RBM6: variants seen among roughly 807,000 people sequenced by gnomAD.
The protein encoded by RBM6 is RNA binding motif protein 6, also known as RNA-binding protein 6.
In RBM6, 23 loss-of-function variants were observed where a neutral mutation model predicts 140.4. The ratio of observed to expected loss-of-function variants is 0.16; its 90% CI spans 0.12 to 0.23. The LOEUF (loss-of-function observed/expected upper bound fraction) is 0.23. RBM6 is among the 10% of genes least tolerant of loss of function. The pLI, the probability that RBM6 is intolerant of heterozygous loss-of-function variation, is 1.00. For synonymous variants in RBM6, 439 were observed against 475.6 expected (o/e 0.92, Z 1.00); for missense variants, 1,139 against 1,386.7 (o/e 0.82, Z 2.84).
chr3:50,030,621 T>C (rs1490836173), intron 6 of RBM6, among the ~76,000 whole-genome samples: 1 of 152,198 alleles, frequency 6.6e-6, no homozygotes, highest in Non-Finnish European at 1.5e-5. Context: ...GACAGAAAAC[T>C]AAAAATAAAA....
chr3:49,956,256 A>G (rs1214974687), intron 1 of RBM6, among the ~76,000 whole-genome samples: 1 of 150,738 alleles, frequency 6.6e-6, no homozygotes, highest in Non-Finnish European at 1.5e-5. Flanking sequence ...ACTGGGTTCA[A>G]ACAATCTACC....
At chr3:49,940,420 C>T (rs1285154658) in intron 1 of RBM6, 195 bp downstream of exon 1, 1 of 153,420 alleles carries the variant, frequency 6.5e-6, no homozygotes, top group Non-Finnish European at 1.5e-5. Flanking sequence ...GGCAGGAACG[C>T]CCCGGAACCG....
chr3:49,960,306 T>C (rs758924796), intron 1 of RBM6, among the ~76,000 whole-genome samples: 13 of 152,196 alleles, frequency 8.5e-5, no homozygotes, highest in Non-Finnish European at 1.6e-4. Flanking sequence ...AGAACTTTCC[T>C]TCTGTTTTGA....
intron 1 of RBM6, among the ~76,000 whole-genome samples, chr3:49,960,882 A>T (rs1249672273): frequency 6.6e-6 from 1 of 150,494 alleles, no homozygotes; most frequent in African/African-American, 2.4e-5. Context: ...TTCATAGCAC[A>T]TTGAAAAGTT....
At chr3:49,994,275 C>G (rs900173899) in intron 5 of RBM6, among the ~76,000 whole-genome samples, 3 of 152,000 alleles carry the variant, frequency 2.0e-5, no homozygotes, top group Non-Finnish European at 2.9e-5. Context: ...ATTATATTGC[C>G]GAGGCTGGGA....
intron 1 of RBM6, among the ~76,000 whole-genome samples, chr3:49,947,054 G>A (rs1375262934): frequency 1.4e-5 from 2 of 144,228 alleles, no homozygotes; most frequent in South Asian, 4.4e-4. Context: ...TGGCTAACAC[G>A]GTGAAACCCT....
intron 1 of RBM6, among the ~76,000 whole-genome samples, chr3:49,948,936 T>G (rs1239340283): frequency 6.8e-6 from 1 of 147,370 alleles, no homozygotes; most frequent in Non-Finnish European, 1.5e-5. Flanking sequence ...GTTCAAGCAA[T>G]TCTCCTGCCT....
chr3:50,046,633 G>T (rs1395961617), intron 6 of RBM6, among the ~76,000 whole-genome samples: 5 of 150,656 alleles, frequency 3.3e-5, no homozygotes, highest in African/African-American at 9.8e-5. Flanking sequence ...CTAACTTCCT[G>T]CATTGGTGGA....
At chr3:50,054,089 A>AG in intron 7 of RBM6, 1 of 422,554 alleles carries the variant, frequency 2.4e-6, no homozygotes, top group Admixed American at 3.9e-5. Flanking sequence ...ATCTTTATCC[A>AG]GGGCAAAGGC....
intron 1 of RBM6, among the ~76,000 whole-genome samples, chr3:49,941,858 G>A (rs1192980374): frequency 3.3e-5 from 5 of 150,816 alleles, no homozygotes; most frequent in South Asian, 2.1e-4. Flanking sequence ...GTGAGCCACC[G>A]TGCCCGGCCC....
At chr3:50,068,891 C>A in intron 18 of RBM6, 127 bp downstream of exon 18, 1 of 719,254 alleles carries the variant, frequency 1.4e-6, no homozygotes, top group South Asian at 2.0e-5. Context: ...AAAGATAGTG[C>A]ATACATTTGC....
intron 6 of RBM6, among the ~76,000 whole-genome samples, chr3:50,033,578 A>T (rs1397475288): frequency 1.3e-5 from 2 of 152,228 alleles, no homozygotes; most frequent in African/African-American, 4.8e-5. Context: ...CCAGGTCAGT[A>T]GATTCAGAAG....
chr3:49,947,823 G>A (rs1490517914), intron 1 of RBM6, among the ~76,000 whole-genome samples: 1 of 152,044 alleles, frequency 6.6e-6, no homozygotes, highest in Non-Finnish European at 1.5e-5. Flanking sequence ...TTTCCATTTG[G>A]GAAAAAGATT....
Position 49,967,886 on chromosome 3 carries a change from A to G in RBM6, c.461A>G (p.Asn154Ser). Residue 154 changes from asparagine (N) to serine (S), a missense_variant, in exon 3 of 21, where the codon AAC becomes AGC. Physicochemically the swap from Asn to Ser is conservative, Grantham distance 46. Around this residue, in one of 9 missense-constraint regions of RBM6, gnomAD observed 566 missense variants for 612.7 expected, o/e 0.92. Coordinates refer to ENST00000266022, the MANE Select transcript of RBM6 (RefSeq NM_005777.3). The surrounding 1 kb of genome is among the most constrained non-coding windows in gnomAD (Gnocchi z 4.0). ...DYRGREAPHM[N>S]YRDRDAHAVD... is the part of the protein sequence containing the mutation. Reference sequence around the variant, plus strand: ...AGAGGTAGGGAGGCACCTCATATGAACTACAGAGACAGGGATGCTCACGCT... The same window carrying G: ...AGAGGTAGGGAGGCACCTCATATGAGCTACAGAGACAGGGATGCTCACGCT... 1 of 1,614,140 alleles carries G rather than the reference A, an allele frequency of 6.2e-7. No homozygotes were observed. Among genetic ancestry groups the G allele is most frequent in the South Asian group, 1.1e-5 (1 of 91,082 alleles).
intron 1 of RBM6, among the ~76,000 whole-genome samples, chr3:49,944,016 C>T (rs1215860206): frequency 1.3e-5 from 2 of 152,034 alleles, no homozygotes; most frequent in Non-Finnish European, 2.9e-5. Flanking sequence ...CTTGTTTGTA[C>T]CTTTTTACCC....
Position 50,034,995 on chromosome 3 carries a change from C to CCCTCT in RBM6, c.1558-13233_1558-13229dup, listed in dbSNP as rs58547431. On this transcript the variant is annotated intron_variant, in intron 6 of 20. Coordinates refer to ENST00000266022, the MANE Select transcript of RBM6 (RefSeq NM_005777.3). ...TTCTCCTCTCCTCTCCTCTCCTCTT[C>CCCTCT]CCTCTCCTCTCCTCTCCTCTCATCT... is the stretch of plus-strand genomic sequence containing the variant. Among the ~76,000 whole-genome samples the CCCTCT allele has an allele frequency of 1.2e-3, 147 of 126,826 alleles. 1 individual carries two copies. The highest frequency in any genetic ancestry group is 4.5e-3 in the Middle Eastern group (1 of 222). 83.2% of individuals were successfully genotyped at this position (126,826 alleles called of 152,430 possible). A position where few individuals can be genotyped will look rare whatever the true frequency, so the allele number is the denominator to read the frequency against.
At chr3:50,003,040 C>T (rs551863743) in intron 6 of RBM6, among the ~76,000 whole-genome samples, 9 of 151,996 alleles carry the variant, frequency 5.9e-5, no homozygotes, top group Admixed American at 2.6e-4. Context: ...TGCTTGAACC[C>T]AGGAGGTGGA....
intron 5 of RBM6, among the ~76,000 whole-genome samples, chr3:49,996,252 A>G (rs919953899): frequency 6.6e-6 from 1 of 152,232 alleles, no homozygotes; most frequent in African/African-American, 2.4e-5. Flanking sequence ...CCAAAGGAAA[A>G]GTGATCTGTT....
At chr3:49,955,823 T>C (rs1439571426) in intron 1 of RBM6, among the ~76,000 whole-genome samples, 1 of 150,436 alleles carries the variant, frequency 6.6e-6, no homozygotes, top group African/African-American at 2.4e-5. Flanking sequence ...CAAGCAAAAC[T>C]CTGTCTCTCT....
Sources: gnomAD v4.1 joint callset for allele counts (sites outside exome capture counted in the v4.1 genomes callset) on GRCh38, gnomAD v4.1.1 for gene constraint, gnomAD v4.1.1 regional missense constraint, Gnocchi (gnomAD v3.1) non-coding constraint, MANE v1.5 for transcripts, NCBI Gene and HGNC (gene_info 2026-07-23, HGNC 2026-07-21) for gene names.